Variants in COL11A1 observed in about 807,000 individuals in gnomAD.
The protein encoded by COL11A1 is collagen alpha-1(XI) chain.
Under a neutral mutation model 265.2 loss-of-function variants are expected in COL11A1, and 74 were observed. That is an observed-to-expected ratio of 0.28 (90% CI 0.23 to 0.34). The LOEUF is 0.34. Among genes scored for constraint, COL11A1 ranks in the 10% least tolerant of loss-of-function variants. The pLI is 1.00. For synonymous variants in COL11A1, 816 were observed against 727.6 expected (o/e 1.12, Z -1.96); for missense variants, 2,165 against 2,263.6 (o/e 0.96, Z 0.88).
chr1:102,934,486 C>G lies in COL11A1; in HGVS notation c.3563G>C (p.Arg1188Thr). The G allele has an allele frequency of 6.2e-7, 1 of 1,614,164 alleles. No homozygotes were observed. Among genetic ancestry groups the G allele is most frequent in the South Asian group, 1.1e-5 (1 of 91,090 alleles). Residue 1188 changes from arginine to threonine, a missense_variant, in exon 46 of 67, where the codon AGA becomes ACA. Physicochemically the swap from Arg to Thr is moderately conservative, Grantham distance 71 (BLOSUM62 -1). Coordinates refer to ENST00000370096, the MANE Select transcript of COL11A1 (RefSeq NM_001854.4). ...TGGACCAGGAGGTCCAGGGAAGCCT[C>G]TGGCACCCTCATCACCTTTTTGCCC... The part of the protein sequence containing the change: ...MFGQKGDEGA[R>T]GFPGPPGPIG...
rs541888568 is a variant in COL11A1, at chr1:102,892,609, G to A, written c.4303-2105C>T. 2.6e-5 allele frequency among the ~76,000 whole-genome samples: 4 copies of A among 152,260 alleles called. No individual in the cohort carries two copies. The East Asian group carries it at 5.8e-4, about 22-fold the overall frequency. ...AGAGCTGCTGCATGAATGAGGATGG[G>A]CCCTCCCTATTCTTTAGTTTCTGAA... On this transcript the variant is annotated intron_variant, in intron 57 of 66. Transcript: ENST00000370096.
intron 11 of COL11A1, among the ~76,000 whole-genome samples, chr1:103,017,246 G>C (rs995210168): frequency 2.6e-5 from 4 of 151,926 alleles, no homozygotes; most frequent in African/African-American, 9.7e-5. Flanking sequence ...AAATTAAAAA[G>C]TTTTTACATT....
chr1:103,046,789 G>A lies in COL11A1; in HGVS notation c.652-15545C>T, dbSNP rs1186074294. Among the ~76,000 whole-genome samples, 5 of 151,056 alleles carry A rather than the reference G, an allele frequency of 3.3e-5. No homozygotes were observed. In the East Asian group the frequency reaches 7.7e-4, roughly 23 times the overall value. The stretch of plus-strand genomic sequence containing the variant: ...TCTTGAATTGATTTTTGTATAAGGT[G>A]TAAGGAAGGGATCCAGTTTCAGCTT... On this transcript the variant is annotated intron_variant, in intron 4 of 66. Transcript: ENST00000370096.
intron 46 of COL11A1, among the ~76,000 whole-genome samples, chr1:102,927,922 T>C (rs1247048665): frequency 1.3e-5 from 2 of 152,110 alleles, no homozygotes; most frequent in Non-Finnish European, 2.9e-5. Context: ...ATGCTTTCAA[T>C]TTTTTTAGCC....
chr1:103,016,173 T>C (rs1220296340), intron 11 of COL11A1, among the ~76,000 whole-genome samples: 6 of 152,042 alleles, frequency 3.9e-5, no homozygotes, highest in Non-Finnish European at 8.8e-5. Flanking sequence ...AACAGATACA[T>C]AAATAGTATT....
At chr1:103,049,032 T>C (rs1669558496) in intron 4 of COL11A1, among the ~76,000 whole-genome samples, 1 of 152,152 alleles carries the variant, frequency 6.6e-6, no homozygotes, top group Non-Finnish European at 1.5e-5. Flanking sequence ...TGTGGTCAAT[T>C]TTGGAATAGG....
chr1:103,012,671 CTT>C lies in COL11A1; in HGVS notation c.1573-204_1573-203del, dbSNP rs557530220. On this transcript the variant is annotated intron_variant, in intron 13 of 66. Coordinates refer to ENST00000370096, the MANE Select transcript of COL11A1 (RefSeq NM_001854.4). The stretch of plus-strand genomic sequence containing the variant: ...AGGTAAATATCAGACATTTTAAAAA[CTT>C]TTTAACATATAAAATCTTGTAATAT... Among the ~76,000 whole-genome samples the C allele has an allele frequency of 6.1e-3, 928 of 152,188 alleles. 17 individuals are homozygous for C. Among genetic ancestry groups the C allele is most frequent in the African/African-American group, 0.021 (876 of 41,534 alleles).
At chr1:102,878,292 C>G in intron 66 of COL11A1, 127 bp from the exon 67 acceptor site, 1 of 745,238 alleles carries the variant, frequency 1.3e-6, no homozygotes, top group East Asian at 2.8e-5. Context: ...AACAAATTTT[C>G]TATTATCTAT....
intron 29 of COL11A1, 48 bp from the exon 30 acceptor site, chr1:102,987,788 A>C (rs896291701): frequency 3.5e-6 from 5 of 1,410,396 alleles, no homozygotes. Context: ...GTCCTTTACA[A>C]AAATTGTAAC....
intron 41 of COL11A1, among the ~76,000 whole-genome samples, chr1:102,954,404 A>G (rs1660166394): frequency 6.7e-6 from 1 of 149,028 alleles, no homozygotes; most frequent in Non-Finnish European, 1.5e-5. Context: ...TGTAAAGTAA[A>G]TGAAAGTGAT....
At chr1:103,083,242 C>CTG (rs759909809) in intron 1 of COL11A1, among the ~76,000 whole-genome samples, 3 of 73,562 alleles carry the variant, frequency 4.1e-5, no homozygotes, top group Admixed American at 1.7e-4. Flanking sequence ...GTGTGTGTGT[C>CTG]TGTGTCTGTG....
chr1:103,013,770 A>C (rs1666324415), intron 13 of COL11A1, among the ~76,000 whole-genome samples: 1 of 151,926 alleles, frequency 6.6e-6, no homozygotes, highest in South Asian at 2.1e-4. Context: ...TATCCATACC[A>C]AACAAAAATC....
intron 42 of COL11A1, among the ~76,000 whole-genome samples, chr1:102,943,715 T>C (rs1207873674): frequency 6.6e-6 from 1 of 152,170 alleles, no homozygotes; most frequent in East Asian, 1.9e-4. Flanking sequence ...ATGCTAGAAA[T>C]TGTAAATAAG....
At chr1:102,919,496 C>A (rs1655728260) in intron 49 of COL11A1, among the ~76,000 whole-genome samples, 1 of 151,828 alleles carries the variant, frequency 6.6e-6, no homozygotes, top group African/African-American at 2.4e-5. Flanking sequence ...TATCCTTTAA[C>A]AAGTAGCATA....
At chr1:103,001,364 G>A (rs577640582) in intron 24 of COL11A1, 10 of 396,290 alleles carry the variant, frequency 2.5e-5, no homozygotes, top group African/African-American at 1.8e-4. Context: ...GAGCCAGATA[G>A]AAATGTGCTA....
chr1:103,074,502 C>T (rs555372546), intron 4 of COL11A1, 116 bp downstream of exon 4: 11 of 1,153,342 alleles, frequency 9.5e-6, no homozygotes, highest in Non-Finnish European at 1.4e-5. Flanking sequence ...CTAGGTCACC[C>T]TTTAGAGTTT....
intron 4 of COL11A1, among the ~76,000 whole-genome samples, chr1:103,067,665 C>T (rs915190565): frequency 2.0e-5 from 3 of 151,530 alleles, no homozygotes; most frequent in Non-Finnish European, 4.4e-5. Context: ...GAGCCTGAAA[C>T]TGGTTTGTTG....
At chr1:102,940,527 T>C (rs2101308192) in intron 42 of COL11A1, 93 bp from the exon 43 acceptor site, 2 of 898,456 alleles carry the variant, frequency 2.2e-6, no homozygotes, top group Non-Finnish European at 3.5e-6. Context: ...AAGGATATTG[T>C]TTAATGTTTT....
chr1:103,039,767 TTCTG>T (rs1223611037), intron 4 of COL11A1, among the ~76,000 whole-genome samples: 1 of 152,128 alleles, frequency 6.6e-6, no homozygotes, highest in Non-Finnish European at 1.5e-5. Context: ...TCGTCTGAAG[TTCTG>T]TCTTTGTAAC....
Sources: gnomAD v4.1 joint callset for allele counts (sites outside exome capture counted in the v4.1 genomes callset) on GRCh38, gnomAD v4.1.1 for gene constraint, MANE v1.5 for transcripts, NCBI Gene and HGNC (gene_info 2026-07-23, HGNC 2026-07-21) for gene names.